ZMIZ1: variants seen among roughly 807,000 people sequenced by gnomAD.
ZMIZ1 encodes zinc finger MIZ-type containing 1.
Under a neutral mutation model 113.9 loss-of-function variants are expected in ZMIZ1, and 17 were observed. The ratio of observed to expected loss-of-function variants is 0.15; its 90% CI spans 0.10 to 0.22. The LOEUF is 0.22. ZMIZ1 is among the 10% of genes least tolerant of loss of function. The probability of loss-of-function intolerance (pLI) is 1.00; values close to 1 mark genes in which losing one functional copy is unlikely to be tolerated. For synonymous variants in ZMIZ1, 607 were observed against 603.1 expected (o/e 1.01, Z -0.09); for missense variants, 1,059 against 1,477.8 (o/e 0.72, Z 4.65).
chr10:79,209,613 A>G (rs1848460075), intron 6 of ZMIZ1, among the ~76,000 whole-genome samples: 1 of 152,240 alleles, frequency 6.6e-6, no homozygotes, highest in Non-Finnish European at 1.5e-5. Flanking sequence ...AGCTGGAAGG[A>G]GACAAAAGGC....
At chr10:79,076,801 C>T (rs1253097054) in intron 1 of ZMIZ1, among the ~76,000 whole-genome samples, 2 of 152,140 alleles carry the variant, frequency 1.3e-5, no homozygotes, top group African/African-American at 4.8e-5. Flanking sequence ...TGCACCACTG[C>T]ACTCCAGCCT....
chr10:79,226,509 G>A (rs1453961719), intron 7 of ZMIZ1, among the ~76,000 whole-genome samples: 1 of 152,218 alleles, frequency 6.6e-6, no homozygotes, highest in Non-Finnish European at 1.5e-5. Flanking sequence ...GGCTGCCCAA[G>A]GAGTTAAAAA....
intron 4 of ZMIZ1, among the ~76,000 whole-genome samples, chr10:79,164,044 G>T (rs1338380415): frequency 6.6e-6 from 1 of 152,134 alleles, no homozygotes; most frequent in East Asian, 1.9e-4. Flanking sequence ...AAAAAAAAAT[G>T]AGGAAGAGAA....
At chr10:79,304,648 GGT>G (rs1854558791) in intron 19 of ZMIZ1, among the ~76,000 whole-genome samples, 1 of 152,354 alleles carries the variant, frequency 6.6e-6, no homozygotes, top group East Asian at 1.9e-4. Flanking sequence ...ACCTGGGTGT[GGT>G]GGGCATGCAG....
In ZMIZ1 at chr10:79,307,679, G is replaced by A. The variant is rs1367077548; in HGVS notation, c.2835+108G>A. ...GGCAAGGCAGAGGATGAAGAATTGG[G>A]TGTGTGGGCTCAGAATGGAATAGGA... On this transcript the variant is annotated intron_variant, in intron 23 of 24. Transcript: ENST00000334512. 28 of 1,299,718 alleles carry A rather than the reference G, an allele frequency of 2.2e-5. 1 individual carries two copies. In the South Asian group the frequency reaches 3.5e-4, roughly 16 times the overall value. 80.5% of individuals were successfully genotyped at this position (1,299,718 alleles called of 1,614,324 possible). A position where few individuals can be genotyped will look rare whatever the true frequency, so the allele number is the denominator to read the frequency against.
intron 4 of ZMIZ1, among the ~76,000 whole-genome samples, chr10:79,197,387 G>T (rs1223072683): frequency 1.3e-5 from 2 of 152,178 alleles, no homozygotes; most frequent in African/African-American, 4.8e-5. Context: ...CTTGCTGAAG[G>T]TGGCACTGTC....
At chr10:79,185,238 C>T (rs945215044) in intron 4 of ZMIZ1, among the ~76,000 whole-genome samples, 11 of 139,152 alleles carry the variant, frequency 7.9e-5, no homozygotes, top group African/African-American at 2.5e-4. Context: ...GTTAAGACGC[C>T]CCCCTCCCCC....
chr10:79,079,870 C>G (rs1842600078), intron 1 of ZMIZ1, among the ~76,000 whole-genome samples: 2 of 152,236 alleles, frequency 1.3e-5, no homozygotes, highest in Admixed American at 1.3e-4. Context: ...GTCAGGAGGT[C>G]AGCTTCTGCT....
chr10:79,187,640 A>G (rs1847403381), intron 4 of ZMIZ1, among the ~76,000 whole-genome samples: 1 of 152,214 alleles, frequency 6.6e-6, no homozygotes, highest in African/African-American at 2.4e-5. Flanking sequence ...GGGCTGAGGA[A>G]ATGGGCACAG....
At chr10:79,149,472 C>T (rs1845622501) in intron 3 of ZMIZ1, among the ~76,000 whole-genome samples, 1 of 152,198 alleles carries the variant, frequency 6.6e-6, no homozygotes, top group East Asian at 1.9e-4. Flanking sequence ...GGTGAGCCTC[C>T]AGTTCCTGAG....
At chr10:79,094,625 C>T (rs1039689373) in intron 1 of ZMIZ1, among the ~76,000 whole-genome samples, 3 of 152,302 alleles carry the variant, frequency 2.0e-5, no homozygotes, top group Non-Finnish European at 2.9e-5. Context: ...ACCAAGGCCT[C>T]GCTGGGCATC....
chr10:79,302,795 G>A (rs6480930), intron 18 of ZMIZ1, among the ~76,000 whole-genome samples: 32,611 of 144,754 alleles, frequency 0.23, 4,160 homozygotes, highest in African/African-American at 0.33. Flanking sequence ...ATGGGTTCAC[G>A]CCATTCTCCT....
chr10:79,276,357 G>T lies in ZMIZ1; in HGVS notation c.281-824G>T, dbSNP rs12221257. ...CACGCTGGCCTGGGAGGCGCTTTTG[G>T]CTCCTGTGGCCACGTGGGGACAGTG... On this transcript the variant is annotated intron_variant, in intron 7 of 24. Transcript: ENST00000334512. Among the ~76,000 whole-genome samples the T allele has an allele frequency of 3.0e-3, 461 of 152,340 alleles. 5 individuals are homozygous for T. Among genetic ancestry groups the T allele is most frequent in the East Asian group, 0.029 (152 of 5,182 alleles).
At position 79,305,152 on chromosome 10, in the gene ZMIZ1, G is replaced by T; in HGVS notation, c.2287-12G>T. 6.2e-7 allele frequency: 1 copy of T among 1,614,154 alleles called. No homozygotes were observed. Among genetic ancestry groups the T allele is most frequent in the Non-Finnish European group, 8.5e-7 (1 of 1,180,026 alleles). On this transcript the variant is annotated splice_polypyrimidine_tract_variant and intron_variant, in intron 19 of 24. Transcript: ENST00000334512. ...GTCCTGGTCTCACCTGTGTCTGTCT[G>T]TCTGTCTGCAGTGCTTTGATCTGGA...
In ZMIZ1 at chr10:79,306,359, G is replaced by A. The variant is rs368048020; in HGVS notation, c.2668+15G>A. The A allele has an allele frequency of 1.9e-6, 3 of 1,604,948 alleles. No individual in the cohort carries two copies. The highest frequency in any genetic ancestry group is 1.3e-5 in the African/African-American group (1 of 74,942). ...CAGCAGCCAAGGTGGGTGATGCCAGGCAGGGAGGAAGGGAGAAGGAGGGCA... is the reference window on the plus strand; with the variant it reads ...CAGCAGCCAAGGTGGGTGATGCCAGACAGGGAGGAAGGGAGAAGGAGGGCA... On this transcript the variant is annotated intron_variant, in intron 22 of 24. Coordinates refer to ENST00000334512, the MANE Select transcript of ZMIZ1 (RefSeq NM_020338.4).
At chr10:79,159,300 C>A (rs1846016502) in intron 3 of ZMIZ1, among the ~76,000 whole-genome samples, 1 of 152,258 alleles carries the variant, frequency 6.6e-6, no homozygotes, top group African/African-American at 2.4e-5. Context: ...GCCAAGCCCA[C>A]ACAGGCTGTG....
chr10:79,311,397 C>T (rs1326757243), intron 24 of ZMIZ1, among the ~76,000 whole-genome samples: 1 of 152,188 alleles, frequency 6.6e-6, no homozygotes. Flanking sequence ...TCCTGTCCCC[C>T]CAGTCCCTTT....
chr10:79,303,986 C>G, intron 18 of ZMIZ1, 29 bp from the exon 19 acceptor site: 1 of 1,612,920 alleles, frequency 6.2e-7, no homozygotes, highest in Non-Finnish European at 8.5e-7. Flanking sequence ...TCTTGCCATC[C>G]TCACCTGTCT....
At chr10:79,076,002 C>G (rs937651760) in intron 1 of ZMIZ1, among the ~76,000 whole-genome samples, 10 of 152,294 alleles carry the variant, frequency 6.6e-5, no homozygotes, top group Admixed American at 3.3e-4. Context: ...CTGCCCTCCT[C>G]TTAGCTCGGG....
Sources: gnomAD v4.1 joint callset for allele counts (sites outside exome capture counted in the v4.1 genomes callset) on GRCh38, gnomAD v4.1.1 for gene constraint, MANE v1.5 for transcripts, NCBI Gene and HGNC (gene_info 2026-07-23, HGNC 2026-07-21) for gene names.